Variants in MAN2A1 observed in about 807,000 individuals in gnomAD.
MAN2A1 encodes mannosidase alpha class 2A member 1, also known as alpha-mannosidase 2.
In MAN2A1, 76 loss-of-function variants were observed where a neutral mutation model predicts 142.6. The ratio of observed to expected loss-of-function variants is 0.53; its 90% CI spans 0.44 to 0.65. The LOEUF is 0.65. MAN2A1 is among the 30% of genes least tolerant of loss of function. The pLI, the probability that MAN2A1 is intolerant of heterozygous loss-of-function variation, is 0.00. For synonymous variants in MAN2A1, 559 were observed against 473.2 expected (o/e 1.18, Z -2.35); for missense variants, 1,311 against 1,365.1 (o/e 0.96, Z 0.62).
At chr5:109,839,668 TTA>T (rs1491137161) in intron 16 of MAN2A1, among the ~76,000 whole-genome samples, 1 of 150,608 alleles carries the variant, frequency 6.6e-6, no homozygotes, top group African/African-American at 2.4e-5. Context: ...TTTTTTTTTT[TTA>T]AATAACATTC....
chr5:109,763,027 G>C (rs1444513472), intron 5 of MAN2A1, among the ~76,000 whole-genome samples: 1 of 152,222 alleles, frequency 6.6e-6, no homozygotes, highest in South Asian at 2.1e-4. Context: ...CCCTTACAGG[G>C]TTACAACAGA....
At chr5:109,748,232 A>G (rs1046553081) in intron 4 of MAN2A1, among the ~76,000 whole-genome samples, 1 of 152,194 alleles carries the variant, frequency 6.6e-6, no homozygotes, top group Non-Finnish European at 1.5e-5. Context: ...ACTTATGTCT[A>G]CATCCTTAAC....
At chr5:109,799,802 A>G (rs1174766031) in intron 12 of MAN2A1, among the ~76,000 whole-genome samples, 1 of 150,734 alleles carries the variant, frequency 6.6e-6, no homozygotes, top group Non-Finnish European at 1.5e-5. Flanking sequence ...AAAATCTCCA[A>G]TCTTGGCCGG....
intron 1 of MAN2A1, among the ~76,000 whole-genome samples, chr5:109,698,764 AT>A (rs560099708): frequency 1.4e-4 from 21 of 150,200 alleles, no homozygotes; most frequent in South Asian, 2.1e-4. Flanking sequence ...TTTACCAATG[AT>A]TTTTTTTTTC....
At chr5:109,752,077 A>G (rs1288730848) in intron 4 of MAN2A1, among the ~76,000 whole-genome samples, 2 of 152,172 alleles carry the variant, frequency 1.3e-5, no homozygotes, top group African/African-American at 2.4e-5. Flanking sequence ...TAATACTACC[A>G]TTCCGTTAGA....
chr5:109,817,278 T>C lies in MAN2A1; in HGVS notation c.1949T>C (p.Leu650Pro), dbSNP rs1358726524. ...TGAAGCAGCTGTTTTTGCAGGTACCTTGTGGTCTATAATCCTTTAGAACAA... is the reference window on the plus strand; with the variant it reads ...TGAAGCAGCTGTTTTTGCAGGTACCCTGTGGTCTATAATCCTTTAGAACAA... ...IIRLSAEPRY[L>P]VVYNPLEQDR... is the part of the protein sequence containing the mutation. Residue 650 changes from leucine (L) to proline (P), a missense_variant, in exon 13 of 22, where the codon CTT becomes CCT. Around this residue, in one of 3 missense-constraint regions of MAN2A1, gnomAD observed 890 missense variants for 920.5 expected, o/e 0.97. Coordinates refer to ENST00000261483, the MANE Select transcript of MAN2A1 (RefSeq NM_002372.4). 6.2e-7 allele frequency: 1 copy of C among 1,613,496 alleles called. No homozygotes were observed.
In MAN2A1 at chr5:109,690,628, C is replaced by T. The variant is rs949814352; in HGVS notation, c.135+76C>T. ...CCCCTGGTTAGCGGCTGCTACCCAA[C>T]CTCTTCCTCCCGCCGCGGCCCCACA... On this transcript the variant is annotated intron_variant, in intron 1 of 21. Coordinates refer to ENST00000261483, the MANE Select transcript of MAN2A1 (RefSeq NM_002372.4). 18 of 1,466,190 alleles carry T rather than the reference C, an allele frequency of 1.2e-5. No homozygotes were observed. The African/African-American group carries it at 2.2e-4, about 18-fold the overall frequency. 90.8% of individuals were successfully genotyped at this position (1,466,190 alleles called of 1,614,324 possible).
At chr5:109,727,870 TA>T (rs1192963360) in intron 3 of MAN2A1, among the ~76,000 whole-genome samples, 4 of 152,194 alleles carry the variant, frequency 2.6e-5, no homozygotes, top group African/African-American at 4.8e-5. Flanking sequence ...TCCAGGTTAG[TA>T]CTTTGGTGAA....
chr5:109,811,630 A>G (rs1333295003), intron 12 of MAN2A1, among the ~76,000 whole-genome samples: 2 of 151,576 alleles, frequency 1.3e-5, no homozygotes, highest in African/African-American at 4.9e-5. Context: ...GTCTGCATGC[A>G]TACGTATGCA....
At chr5:109,864,251 C>T (rs897901701) in intron 20 of MAN2A1, 1 of 152,128 alleles carries the variant, frequency 6.6e-6, no homozygotes, top group African/African-American at 2.4e-5. Flanking sequence ...AAACACCTTC[C>T]AACTTTAGGA....
At chr5:109,865,924 C>T (rs1755867620) in intron 21 of MAN2A1, among the ~76,000 whole-genome samples, 1 of 152,204 alleles carries the variant, frequency 6.6e-6, no homozygotes, top group Admixed American at 6.5e-5. Context: ...AGGTCTGCCT[C>T]ACCAGGCAGC....
Position 109,844,877 on chromosome 5 carries a change from G to A in MAN2A1, c.2701-988G>A, listed in dbSNP as rs1755307278. Among the ~76,000 whole-genome samples, 5 of 152,264 alleles carry A rather than the reference G, an allele frequency of 3.3e-5. No homozygotes were observed. In the South Asian group the frequency reaches 1.0e-3, roughly 32 times the overall value. On this transcript the variant is annotated intron_variant, in intron 17 of 21. Transcript: ENST00000261483. The stretch of plus-strand genomic sequence containing the variant: ...ATCCAGAATGACCTCATCTATTTCT[G>A]CAGAGGCTGTATTTCAAAATAAGAT...
intron 12 of MAN2A1, among the ~76,000 whole-genome samples, chr5:109,807,650 T>A (rs1372747635): frequency 2.6e-5 from 4 of 152,128 alleles, no homozygotes; most frequent in Non-Finnish European, 5.9e-5. Context: ...CCCTTGTAAA[T>A]ACATTGGGCC....
intron 7 of MAN2A1, 95 bp downstream of exon 7, chr5:109,770,636 C>A: frequency 9.3e-7 from 1 of 1,070,278 alleles, no homozygotes; most frequent in Non-Finnish European, 1.4e-6. Context: ...CTTTATTAGC[C>A]AACATTATCC....
chr5:109,829,916 T>C (rs1391715807), intron 16 of MAN2A1, among the ~76,000 whole-genome samples: 1 of 152,224 alleles, frequency 6.6e-6, no homozygotes, highest in Admixed American at 6.5e-5. Flanking sequence ...AATTTATCTG[T>C]TTTGTAAAGT....
chr5:109,752,312 CTG>C (rs1020617090), intron 4 of MAN2A1, among the ~76,000 whole-genome samples: 19 of 152,222 alleles, frequency 1.2e-4, no homozygotes, highest in East Asian at 1.9e-4. Flanking sequence ...TTGCAAATAT[CTG>C]TGAGCTTCTT....
Position 109,716,150 on chromosome 5 carries a change from G to A in MAN2A1, c.421G>A (p.Asp141Asn), listed in dbSNP as rs1751446165. ...MLDVYSLISF[D>N]NPDGGVWKQG... ...GGATGTTTACAGTCTAATTTCTTTT[G>A]ACAATCCAGATGGTGGAGTTTGGAA... is the stretch of plus-strand genomic sequence containing the variant. The change falls in exon 3 of 22, where the codon GAC (aspartate) becomes AAC (asparagine). Residue 141 changes from aspartate (D) to asparagine (N), a missense_variant. This residue lies in a region of MAN2A1 where 409 missense variants were observed against 412.7 expected (regional missense o/e 0.99). Transcript: ENST00000261483. The A allele has an allele frequency of 6.2e-7, 1 of 1,607,780 alleles. No individual in the cohort carries two copies. Among genetic ancestry groups the A allele is most frequent in the Non-Finnish European group, 8.5e-7 (1 of 1,176,340 alleles).
At chr5:109,699,120 T>C (rs1403925605) in intron 1 of MAN2A1, among the ~76,000 whole-genome samples, 3 of 152,186 alleles carry the variant, frequency 2.0e-5, no homozygotes, top group Non-Finnish European at 4.4e-5. Flanking sequence ...ATTGCATTTG[T>C]TTTCTTGATT....
chr5:109,857,122 A>G (rs1354749659), intron 20 of MAN2A1, among the ~76,000 whole-genome samples: 4 of 152,182 alleles, frequency 2.6e-5, no homozygotes, highest in African/African-American at 9.7e-5. Context: ...TTCTGGGGGT[A>G]GAGTGCTCCA....
Sources: allele counts gnomAD v4.1 joint callset (sites outside exome capture counted in the v4.1 genomes callset), GRCh38; gene constraint gnomAD v4.1.1; regional missense constraint gnomAD v4.1.1; transcripts MANE v1.5; gene names NCBI Gene and HGNC (gene_info 2026-07-23, HGNC 2026-07-21).